Variants in SOX5 observed in about 807,000 individuals in gnomAD.
SOX5 encodes SRY-box transcription factor 5.
SOX5 carries 9 observed loss-of-function variants against 92.0 expected under a neutral mutation model. That is an observed-to-expected ratio of 0.10 (90% confidence interval 0.06 to 0.17). The LOEUF (loss-of-function observed/expected upper bound fraction) is 0.17, where lower values mean the gene tolerates loss of function less well. SOX5 is among the 10% of genes least tolerant of loss of function. The pLI is 1.00. For synonymous variants in SOX5, 344 were observed against 336.3 expected (o/e 1.02, Z -0.25); for missense variants, 642 against 944.5 (o/e 0.68, Z 4.20).
intron 4 of SOX5, among the ~76,000 whole-genome samples, chr12:24,132,695 T>G (rs1017682354): frequency 6.6e-6 from 1 of 152,140 alleles, no homozygotes; most frequent in African/African-American, 2.4e-5. Flanking sequence ...TTCTAAATAT[T>G]TGAATTCTAG....
At chr12:23,874,759 C>T (rs762683801) in intron 2 of SOX5, among the ~76,000 whole-genome samples, 5 of 152,032 alleles carry the variant, frequency 3.3e-5, no homozygotes, top group East Asian at 1.9e-4. Context: ...AAACCTGAAC[C>T]GGGACTGGGG....
At chr12:23,932,046 A>G (rs1941544158) in intron 1 of SOX5, among the ~76,000 whole-genome samples, 1 of 151,318 alleles carries the variant, frequency 6.6e-6, no homozygotes, top group South Asian at 2.1e-4. Flanking sequence ...AGATTTCTTA[A>G]AAATCTAAGC....
chr12:23,915,690 C>A (rs540038780), intron 1 of SOX5, among the ~76,000 whole-genome samples: 25 of 152,054 alleles, frequency 1.6e-4, no homozygotes, highest in African/African-American at 5.5e-4. Flanking sequence ...ACATTTATTT[C>A]CAAATAACAT....
intron 1 of SOX5, among the ~76,000 whole-genome samples, chr12:24,392,282 A>G (rs1959069523): frequency 6.6e-6 from 1 of 152,088 alleles, no homozygotes; most frequent in African/African-American, 2.4e-5. Context: ...GCTTTGCAAA[A>G]TGTTCATCTG....
At chr12:24,389,065 C>T (rs1958709491) in intron 1 of SOX5, among the ~76,000 whole-genome samples, 1 of 152,074 alleles carries the variant, frequency 6.6e-6, no homozygotes, top group Non-Finnish European at 1.5e-5. Context: ...ATTAACTCGT[C>T]ATTTAGCATT....
chr12:24,440,136 C>T (rs1239101273), intron 1 of SOX5, among the ~76,000 whole-genome samples: 2 of 152,150 alleles, frequency 1.3e-5, no homozygotes, highest in African/African-American at 2.4e-5. Context: ...TCTTCCTTGG[C>T]TGGGACTTAT....
At chr12:23,699,310 A>G (rs2090305168) in intron 6 of SOX5, among the ~76,000 whole-genome samples, 1 of 152,086 alleles carries the variant, frequency 6.6e-6, no homozygotes, top group South Asian at 2.1e-4. Flanking sequence ...TCATTTGTCC[A>G]ATGTTTGAAC....
At chr12:23,698,725 T>C (rs1374012471) in intron 6 of SOX5, among the ~76,000 whole-genome samples, 2 of 152,186 alleles carry the variant, frequency 1.3e-5, no homozygotes, top group Non-Finnish European at 2.9e-5. Flanking sequence ...AATTTCATCT[T>C]ACTTTTTGTA....
chr12:23,992,223 T>G (rs1036392801), intron 4 of SOX5, among the ~76,000 whole-genome samples: 1 of 152,132 alleles, frequency 6.6e-6, no homozygotes, highest in Non-Finnish European at 1.5e-5. Flanking sequence ...GCAACACCCT[T>G]AATAGCATCT....
chr12:24,420,624 CT>C (rs1965766783), intron 1 of SOX5, among the ~76,000 whole-genome samples: 1 of 152,088 alleles, frequency 6.6e-6, no homozygotes, highest in Non-Finnish European at 1.5e-5. Context: ...CCTATATGAA[CT>C]GTACAACTTG....
chr12:23,656,756 C>G (rs968070225), intron 7 of SOX5, among the ~76,000 whole-genome samples: 1 of 151,520 alleles, frequency 6.6e-6, no homozygotes, highest in Admixed American at 6.6e-5. Context: ...ACATCTATAT[C>G]TAAATATTTT....
At position 23,640,883 on chromosome 12, in the gene SOX5, CAGGGTA is replaced by C; in HGVS notation, c.940_945del (p.Tyr314_Pro315del). 4.3e-6 allele frequency: 7 copies of C among 1,613,498 alleles called. No individual in the cohort carries two copies. Among genetic ancestry groups the C allele is most frequent in the Non-Finnish European group, 5.9e-6 (7 of 1,179,438 alleles). ...GCCATGGTAGTTGGGATCAGCTGAA[CAGGGTA>C]AGGGTCACCTAAGTAAGAGAATAAT... is the stretch of plus-strand genomic sequence containing the variant. On this transcript the variant is annotated inframe_deletion, in exon 8 of 15. Transcript: ENST00000451604.
At position 23,846,026 on chromosome 12, in the gene SOX5, C is replaced by T. The variant is rs1185586637; in HGVS notation, c.438G>A (p.Leu146=). 2.5e-6 allele frequency: 4 copies of T among 1,614,034 alleles called. No homozygotes were observed. The highest frequency in any genetic ancestry group is 3.4e-6 in the Non-Finnish European group (4 of 1,180,012). ...KGSLADVVDT[L]KQRKMEELIK... ...TGAGCTCTTCCATTTTCCTCTGCTTCAAGGTGTCAACAACATCAGCTAAAC... is the reference window on the plus strand; with the variant it reads ...TGAGCTCTTCCATTTTCCTCTGCTTTAAGGTGTCAACAACATCAGCTAAAC... Residue 146 remains leucine (L), a synonymous_variant, in exon 3 of 15, where the codon TTG becomes TTA. Transcript: ENST00000451604.
At chr12:24,390,035 T>C (rs1232133292) in intron 1 of SOX5, among the ~76,000 whole-genome samples, 2 of 152,186 alleles carry the variant, frequency 1.3e-5, no homozygotes, top group East Asian at 3.8e-4. Flanking sequence ...ATTTGTTTCT[T>C]GCCTGACTCT....
chr12:23,604,615 A>G lies in SOX5; in HGVS notation c.1018-82T>C, dbSNP rs2075006309. 3.0e-6 allele frequency: 4 copies of G among 1,353,256 alleles called. No homozygotes were observed. In the South Asian group the frequency reaches 5.0e-5, roughly 17 times the overall value. The allele number at this position is 1,353,256 out of a possible 1,614,324, so 83.8% of individuals were successfully genotyped here. On this transcript the variant is annotated intron_variant, in intron 8 of 14. Transcript: ENST00000451604. The stretch of plus-strand genomic sequence containing the variant: ...TACCATTCAGAAAGTACATATATTC[A>G]GATATGGTATTTTTCCTATGAGCAT...
rs1221012836 is a variant in SOX5, at chr12:24,355,282, C to CAA, written c.-174+13280_-174+13281insTT. ...TTAGCAGGTGTGGTGAGGGGTGCAT[C>CAA]TTTTTTTTTTTTTTTTTTTTTTTTT... On this transcript the variant is annotated intron_variant, in intron 2 of 4. Transcript: ENST00000446891. 7.4e-3 allele frequency among the ~76,000 whole-genome samples: 535 copies of CAA among 71,924 alleles called. 10 individuals are homozygous for CAA. Among genetic ancestry groups the CAA allele is most frequent in the Middle Eastern group, 0.025 (3 of 120 alleles). 47.2% of individuals were successfully genotyped at this position (71,924 alleles called of 152,430 possible).
At chr12:23,609,252 C>A (rs527300837) in intron 8 of SOX5, among the ~76,000 whole-genome samples, 49 of 152,252 alleles carry the variant, frequency 3.2e-4, no homozygotes, top group African/African-American at 1.2e-3. Context: ...AGGCTACACT[C>A]ACCTTATGGA....
intron 3 of SOX5, among the ~76,000 whole-genome samples, chr12:23,804,746 A>G (rs1425338832): frequency 1.3e-5 from 2 of 151,620 alleles, no homozygotes; most frequent in South Asian, 4.2e-4. Context: ...GGAACTACTG[A>G]CTGACCACCT....
At chr12:23,762,429 C>A (rs1251914845) in intron 3 of SOX5, 2 of 393,566 alleles carry the variant, frequency 5.1e-6, no homozygotes, top group Non-Finnish European at 9.0e-6. Flanking sequence ...CGTAATATAA[C>A]ACATACCACA....
Sources: gnomAD v4.1 joint callset for allele counts (sites outside exome capture counted in the v4.1 genomes callset) on GRCh38, gnomAD v4.1.1 for gene constraint, MANE v1.5 for transcripts, NCBI Gene and HGNC (gene_info 2026-07-23, HGNC 2026-07-21) for gene names.